EMC3: variants seen among roughly 807,000 people sequenced by gnomAD.
EMC3 encodes the protein 30 kDa protein.
EMC3 carries 13 observed loss-of-function variants against 36.6 expected under a neutral mutation model. The ratio of observed to expected loss-of-function variants is 0.35; its 90% CI spans 0.23 to 0.56. The LOEUF (loss-of-function observed/expected upper bound fraction) is 0.56, where lower values mean the gene tolerates loss of function less well. EMC3 is among the 20% of genes least tolerant of loss of function. EMC3 has a pLI of 0.84. For synonymous variants in EMC3, 120 were observed against 111.9 expected (o/e 1.07, Z -0.46); for missense variants, 220 against 324.5 (o/e 0.68, Z 2.47).
rs67631672 is a variant in EMC3, at chr3:9,963,084, G to A, written c.*985C>T. The A allele has an allele frequency of 0.22, 33,224 of 151,984 alleles. 4,198 individuals carry two copies. The highest frequency in any genetic ancestry group is 0.35 in the African/African-American group (14,319 of 41,404). 9.4% of individuals were successfully genotyped at this position (151,984 alleles called of 1,614,324 possible). A position where few individuals can be genotyped will look rare whatever the true frequency, so the allele number is the denominator to read the frequency against. ...CTTTAGAATCTGGCAGTGCCTCAGG[G>A]TCACTGATTTTCACTGGGCAGAATT... is the stretch of plus-strand genomic sequence containing the variant. On this transcript the variant is annotated 3_prime_UTR_variant, in exon 8 of 8. Coordinates refer to ENST00000245046, the MANE Select transcript of EMC3 (RefSeq NM_001394674.1).
At chr3:9,971,224 A>G (rs2085782661) in intron 5 of EMC3, among the ~76,000 whole-genome samples, 1 of 152,154 alleles carries the variant, frequency 6.6e-6, no homozygotes, top group African/African-American at 2.4e-5. Context: ...GGTGTGTTCC[A>G]TACTTACAAG....
At chr3:9,979,783 T>C (rs1198898611) in intron 1 of EMC3, among the ~76,000 whole-genome samples, 1 of 152,144 alleles carries the variant, frequency 6.6e-6, no homozygotes, top group Non-Finnish European at 1.5e-5. Flanking sequence ...TCTGAGAGTT[T>C]GCTGAGGATG....
intron 1 of EMC3, among the ~76,000 whole-genome samples, chr3:9,984,125 A>G (rs913823931): frequency 6.7e-6 from 1 of 150,312 alleles, no homozygotes; most frequent in Non-Finnish European, 1.5e-5. Context: ...CTCTGTCGCC[A>G]GGCTGGAGTG....
In EMC3 at chr3:9,974,621, C is replaced by A. The variant is rs35694837; in HGVS notation, c.308-133G>T. The A allele has an allele frequency of 1.1e-5, 6 of 555,444 alleles. No homozygotes were observed. In the East Asian group the frequency reaches 1.7e-4, roughly 16 times the overall value. 34.4% of individuals were successfully genotyped at this position (555,444 alleles called of 1,614,324 possible). On this transcript the variant is annotated intron_variant, in intron 3 of 7. Coordinates refer to ENST00000245046, the MANE Select transcript of EMC3 (RefSeq NM_001394674.1). ...TCGCCCAGGCTGGAGTGCAGTGGTG[C>A]GATCTCAGCTCACTGCAAGCTCCGC...
rs754945002 is a variant in EMC3, at chr3:9,973,617, A to G, written c.494+11T>C. 5 of 1,612,792 alleles carry G rather than the reference A, an allele frequency of 3.1e-6. No individual in the cohort carries two copies. In the East Asian group the frequency reaches 8.9e-5, roughly 29 times the overall value. On this transcript the variant is annotated intron_variant, in intron 5 of 7. Transcript: ENST00000245046. Reference sequence around the variant, plus strand: ...GGTTTGTGTTTTTATTAAACAAAAGAAAGTTCTTACCAGGATGCATCTAAT... The same window carrying G: ...GGTTTGTGTTTTTATTAAACAAAAGGAAGTTCTTACCAGGATGCATCTAAT...
chr3:9,982,472 C>T (rs2085922219), intron 1 of EMC3, among the ~76,000 whole-genome samples: 1 of 152,162 alleles, frequency 6.6e-6, no homozygotes, highest in South Asian at 2.1e-4. Flanking sequence ...CCAGGATGGT[C>T]TCAATCTCCT....
At chr3:9,968,430 A>C (rs925453928) in intron 7 of EMC3, among the ~76,000 whole-genome samples, 3 of 152,222 alleles carry the variant, frequency 2.0e-5, no homozygotes, top group Non-Finnish European at 4.4e-5. Flanking sequence ...AAACAGAGAT[A>C]GTTTTACTTC....
chr3:10,003,552 G>A, intron 1 of EMC3: 1 of 279,694 alleles, frequency 3.6e-6, no homozygotes, highest in Non-Finnish European at 7.1e-6. Context: ...TAAAATCCTG[G>A]ACACCATTGG....
intron 7 of EMC3, among the ~76,000 whole-genome samples, chr3:9,965,459 T>TAGAA (rs1553602413): frequency 1.4e-5 from 2 of 147,960 alleles, no homozygotes; most frequent in Admixed American, 6.8e-5. Flanking sequence ...GATAGATAGA[T>TAGAA]AGAACAAGCT....
chr3:10,003,630 C>T (rs147907884), intron 1 of EMC3: 16 of 208,414 alleles, frequency 7.7e-5, no homozygotes, highest in African/African-American at 3.4e-4. Flanking sequence ...CAAAATCATC[C>T]CCAAGGCTGG....
intron 3 of EMC3, among the ~76,000 whole-genome samples, chr3:9,974,847 C>T (rs1327700247): frequency 6.3e-5 from 9 of 143,346 alleles, no homozygotes; most frequent in Non-Finnish European, 1.1e-4. Flanking sequence ...CGGGAGCCAC[C>T]GCACCCAGCG....
At chr3:9,997,119 C>T (rs1428718078) in intron 1 of EMC3, among the ~76,000 whole-genome samples, 2 of 152,166 alleles carry the variant, frequency 1.3e-5, no homozygotes, top group Admixed American at 1.3e-4. Context: ...AATCACTAAT[C>T]ACATTCTATC....
At chr3:9,982,804 T>G (rs2085925843) in intron 1 of EMC3, among the ~76,000 whole-genome samples, 2 of 151,796 alleles carry the variant, frequency 1.3e-5, no homozygotes, top group South Asian at 4.2e-4. Context: ...GGAGGATCCT[T>G]GAGCCTGAGA....
intron 5 of EMC3, among the ~76,000 whole-genome samples, chr3:9,970,947 G>T (rs2085778981): frequency 6.6e-6 from 1 of 151,024 alleles, no homozygotes; most frequent in Admixed American, 6.6e-5. Context: ...TTTTGAGACG[G>T]AGTCTCACCC....
At chr3:9,995,074 G>A (rs1260219200) in intron 1 of EMC3, among the ~76,000 whole-genome samples, 1 of 152,268 alleles carries the variant, frequency 6.6e-6, no homozygotes, top group Middle Eastern at 3.4e-3. Flanking sequence ...AGCAGTAGTT[G>A]CAGCTGACAT....
chr3:9,982,072 C>T (rs1305331018), intron 1 of EMC3, among the ~76,000 whole-genome samples: 4 of 150,298 alleles, frequency 2.7e-5, no homozygotes, highest in African/African-American at 7.4e-5. Context: ...TGCCTCAGCC[C>T]GCAGAGTAGC....
At chr3:10,002,050 T>G (rs1357722773) in intron 1 of EMC3, among the ~76,000 whole-genome samples, 1 of 148,960 alleles carries the variant, frequency 6.7e-6, no homozygotes, top group African/African-American at 2.5e-5. Context: ...CCCTCCAACT[T>G]TGCTCTTTTT....
chr3:9,972,740 G>C (rs921879957), intron 5 of EMC3, among the ~76,000 whole-genome samples: 5 of 151,472 alleles, frequency 3.3e-5, no homozygotes, highest in Non-Finnish European at 1.5e-5. Context: ...ACTCCAAGCT[G>C]GGTGACAGAG....
chr3:9,992,202 C>T (rs1054602317), intron 1 of EMC3, among the ~76,000 whole-genome samples: 2 of 152,086 alleles, frequency 1.3e-5, no homozygotes, highest in Admixed American at 1.3e-4. Flanking sequence ...CTCATTGCAA[C>T]CTGCACCTCC....
Sources: gnomAD v4.1 joint callset for allele counts (sites outside exome capture counted in the v4.1 genomes callset) on GRCh38, gnomAD v4.1.1 for gene constraint, MANE v1.5 for transcripts, NCBI Gene and HGNC (gene_info 2026-07-23, HGNC 2026-07-21) for gene names.